Variants in ELP3 observed in about 807,000 individuals in gnomAD.
ELP3 encodes the protein elongator complex protein 3.
Under a neutral mutation model 74.9 loss-of-function variants are expected in ELP3, and 56 were observed. The ratio of observed to expected loss-of-function variants is 0.75; its 90% CI spans 0.60 to 0.93. The LOEUF (loss-of-function observed/expected upper bound fraction) is 0.93. Among genes scored for constraint, ELP3 ranks in the 40% least tolerant of loss-of-function variants. The pLI is 0.00. For synonymous variants in ELP3, 222 were observed against 239.8 expected (o/e 0.93, Z 0.68); for missense variants, 573 against 686.5 (o/e 0.83, Z 1.85).
rs1812811203 is a variant in ELP3, at chr8:28,132,278, G to A, written c.780G>A (p.Arg260=). 3 of 1,613,812 alleles carry A rather than the reference G, an allele frequency of 1.9e-6. No homozygotes were observed. Among genetic ancestry groups the A allele is most frequent in the East Asian group, 2.2e-5 (1 of 44,886 alleles). Residue 260 remains arginine (R), a splice_region_variant and synonymous_variant, in exon 9 of 15, where the codon AGG becomes AGA. Coordinates refer to ENST00000256398, the MANE Select transcript of ELP3 (RefSeq NM_018091.6). ...ACAGGTAGTGATTTTCTTTCCTTAG[G>A]GGCCACACTGTGAAGGCAGTGTGTG... ...VYEDVARDTN[R]GHTVKAVCES... is the part of the protein sequence containing the mutation.
intron 14 of ELP3, among the ~76,000 whole-genome samples, chr8:28,178,898 C>A (rs1814875559): frequency 6.6e-6 from 1 of 152,186 alleles, no homozygotes; most frequent in South Asian, 2.1e-4. Flanking sequence ...TGGAGATCCT[C>A]TTTCTGAAGT....
At position 28,147,498 on chromosome 8, in the gene ELP3, T is replaced by C. The variant is rs1466496721; in HGVS notation, c.1101-8444T>C. Among the ~76,000 whole-genome samples the C allele has an allele frequency of 6.6e-6, 1 of 152,200 alleles. No individual in the cohort carries two copies. The highest frequency in any genetic ancestry group is 1.5e-5 in the Non-Finnish European group (1 of 68,038). Reference sequence around the variant, plus strand: ...CACTCCCTGAAGGGATTTACAAACATTTAAAAGGTGAAAGCTGAAAAGAAC... The same window carrying C: ...CACTCCCTGAAGGGATTTACAAACACTTAAAAGGTGAAAGCTGAAAAGAAC... On this transcript the variant is annotated intron_variant, in intron 10 of 14. Coordinates refer to ENST00000256398, the MANE Select transcript of ELP3 (RefSeq NM_018091.6). This position sits in a 1 kb window ranked among gnomAD's most constrained non-coding sequence, Gnocchi z 4.5.
intron 4 of ELP3, 46 bp from the exon 5 acceptor site, chr8:28,107,867 A>C: frequency 2.0e-6 from 3 of 1,507,184 alleles, no homozygotes; most frequent in Non-Finnish European, 2.8e-6. Context: ...AGCTGATTGA[A>C]CTCAGTTTTG....
intron 14 of ELP3, among the ~76,000 whole-genome samples, chr8:28,168,654 A>C (rs1172749773): frequency 2.0e-5 from 3 of 152,204 alleles, no homozygotes; most frequent in Admixed American, 6.5e-5. Context: ...AGCCCTCTCC[A>C]AAAGTGGCCC....
Position 28,146,389 on chromosome 8 carries a change from C to CA in ELP3, c.1100+8505dup, listed in dbSNP as rs148964316. 3.3e-3 allele frequency among the ~76,000 whole-genome samples: 499 copies of CA among 151,876 alleles called. 4 individuals carry two copies. In the East Asian group the frequency reaches 0.037, roughly 11 times the overall value. On this transcript the variant is annotated intron_variant, in intron 10 of 14. Transcript: ENST00000256398. ...TTTCTGAAGTATGAGCAACTGCAGACAAAAAAAGGCCTAGACATCACTTGA... is the reference window on the plus strand; with the variant it reads ...TTTCTGAAGTATGAGCAACTGCAGACAAAAAAAAGGCCTAGACATCACTTGA...
intron 7 of ELP3, among the ~76,000 whole-genome samples, chr8:28,125,779 T>C (rs1812550651): frequency 6.7e-6 from 1 of 149,650 alleles, no homozygotes; most frequent in South Asian, 2.1e-4. Flanking sequence ...TTTTTTTTTT[T>C]TTTCTGTATG....
chr8:28,154,651 A>G (rs1187163892), intron 10 of ELP3, among the ~76,000 whole-genome samples: 1 of 152,184 alleles, frequency 6.6e-6, no homozygotes, highest in Non-Finnish European at 1.5e-5. Context: ...AAATATACAT[A>G]TGTTCCTTGC....
chr8:28,166,276 T>C (rs180870527), intron 14 of ELP3, among the ~76,000 whole-genome samples: 6 of 152,332 alleles, frequency 3.9e-5, no homozygotes, highest in African/African-American at 2.4e-5. Flanking sequence ...TTCTCCCTAC[T>C]TAGACTCCAG....
At chr8:28,123,999 G>C (rs146217846) in intron 7 of ELP3, among the ~76,000 whole-genome samples, 41 of 151,612 alleles carry the variant, frequency 2.7e-4, no homozygotes, top group Non-Finnish European at 5.3e-4. Context: ...TGTTTAGTCT[G>C]TTAACATTTG....
At position 28,122,339 on chromosome 8, in the gene ELP3, C is replaced by T. The variant is rs76425044; in HGVS notation, c.618-7163C>T. Among the ~76,000 whole-genome samples the T allele has an allele frequency of 7.7e-3, 1,173 of 152,258 alleles. 21 individuals are homozygous for T. The highest frequency in any genetic ancestry group is 0.026 in the African/African-American group (1,089 of 41,540). On this transcript the variant is annotated intron_variant, in intron 7 of 14. Coordinates refer to ENST00000256398, the MANE Select transcript of ELP3 (RefSeq NM_018091.6). ...AACAAGTAAGGATGTGTTGTTCCCT[C>T]CCCTGTTTTCTGAAAGTGTTCATGT...
chr8:28,119,621 TATATATATG>T (rs2130424745), intron 7 of ELP3, among the ~76,000 whole-genome samples: 2 of 73,488 alleles, frequency 2.7e-5, no homozygotes, highest in South Asian at 4.3e-4. Flanking sequence ...TATATATATA[TATATATATG>T]AACACATATA....
intron 4 of ELP3, among the ~76,000 whole-genome samples, chr8:28,107,470 A>G (rs111577308): frequency 0.014 from 2,179 of 152,288 alleles, 30 homozygotes; most frequent in Middle Eastern, 0.02. Context: ...AAAATAAAAA[A>G]TTATCCTTAT....
intron 5 of ELP3, among the ~76,000 whole-genome samples, chr8:28,108,521 G>A (rs1161235542): frequency 7.2e-6 from 1 of 138,038 alleles, no homozygotes; most frequent in Non-Finnish European, 1.5e-5. Context: ...GCAGTGGCAC[G>A]ATCTCCTTCA....
At chr8:28,096,489 G>A (rs1211873614) in intron 1 of ELP3, among the ~76,000 whole-genome samples, 1 of 152,154 alleles carries the variant, frequency 6.6e-6, no homozygotes, top group Non-Finnish European at 1.5e-5. Flanking sequence ...CCTGGAAAAA[G>A]ACTGGCATTT....
chr8:28,155,176 A>G (rs551850294), intron 10 of ELP3, among the ~76,000 whole-genome samples: 48 of 152,356 alleles, frequency 3.2e-4, no homozygotes, highest in African/African-American at 9.1e-4. Context: ...GAGACAAAAC[A>G]AATTAGAGAC....
Position 28,113,235 on chromosome 8 carries a change from A to G in ELP3, c.617+62A>G. ...GTTGTCAGTTTATGCTCCTAGCAGT[A>G]GTCTACGAGAATGCCTTCTGCCCTG... is the stretch of plus-strand genomic sequence containing the variant. On this transcript the variant is annotated intron_variant, in intron 7 of 14. Transcript: ENST00000256398. 3 of 1,395,140 alleles carry G rather than the reference A, an allele frequency of 2.2e-6. No individual in the cohort carries two copies. The South Asian group carries it at 4.3e-5, about 20-fold the overall frequency. 86.4% of individuals were successfully genotyped at this position (1,395,140 alleles called of 1,614,324 possible).
intron 7 of ELP3, among the ~76,000 whole-genome samples, chr8:28,122,226 C>T (rs796091682): frequency 4.6e-5 from 7 of 152,266 alleles, no homozygotes; most frequent in African/African-American, 1.7e-4. Context: ...TGTCTGTGTT[C>T]ATACAGGGTG....
intron 9 of ELP3, among the ~76,000 whole-genome samples, chr8:28,135,011 C>A (rs1172080166): frequency 6.6e-6 from 1 of 152,106 alleles, no homozygotes; most frequent in African/African-American, 2.4e-5. Context: ...TCACTGCAAC[C>A]TCTGCCTCCC....
At chr8:28,172,390 A>G (rs1244773409) in intron 14 of ELP3, among the ~76,000 whole-genome samples, 1 of 151,990 alleles carries the variant, frequency 6.6e-6, no homozygotes, top group African/African-American at 2.4e-5. Flanking sequence ...ATTCCGAGAT[A>G]TTTTATTCTT....
Sources: gnomAD v4.1 joint callset for allele counts (sites outside exome capture counted in the v4.1 genomes callset) on GRCh38, gnomAD v4.1.1 for gene constraint, Gnocchi (gnomAD v3.1) non-coding constraint, MANE v1.5 for transcripts, NCBI Gene and HGNC (gene_info 2026-07-23, HGNC 2026-07-21) for gene names.